Variants in RBFOX1 observed in about 807,000 individuals in gnomAD.
RBFOX1 encodes RNA binding protein fox-1 homolog 1.
RBFOX1 carries 8 observed loss-of-function variants against 57.7 expected under a neutral mutation model. That is an observed-to-expected ratio of 0.14 (90% CI 0.08 to 0.25). The LOEUF (loss-of-function observed/expected upper bound fraction) is 0.25, where lower values mean the gene tolerates loss of function less well. Ranked by LOEUF, RBFOX1 falls within the 10% of genes least tolerant of loss-of-function variation. RBFOX1 has a pLI of 1.00. For synonymous variants in RBFOX1, 326 were observed against 222.4 expected, an observed-to-expected ratio of 1.47 and a Z score of -4.15; for missense variants, 611 against 548.5, an observed-to-expected ratio of 1.11 and a Z score of -1.14.
chr16:7,439,883 G>T (rs1018265762), intron 4 of RBFOX1, among the ~76,000 whole-genome samples: 5 of 150,804 alleles, frequency 3.3e-5, no homozygotes, highest in African/African-American at 9.7e-5. Context: ...ATAGAAAATT[G>T]TTGCTTTGTA....
intron 4 of RBFOX1, among the ~76,000 whole-genome samples, chr16:7,419,542 A>C (rs1029005044): frequency 2.6e-5 from 4 of 152,216 alleles, no homozygotes; most frequent in Non-Finnish European, 5.9e-5. Flanking sequence ...ACATCTGATT[A>C]CCATGGCAAA....
chr16:6,073,203 C>G (rs543060768), intron 1 of RBFOX1, among the ~76,000 whole-genome samples: 170 of 152,244 alleles, frequency 1.1e-3, no homozygotes, highest in African/African-American at 3.8e-3. Flanking sequence ...ATCATCTACT[C>G]CACTGACTTC....
intron 3 of RBFOX1, among the ~76,000 whole-genome samples, chr16:5,611,719 T>TATGC: frequency 8.7e-6 from 1 of 114,692 alleles, no homozygotes; most frequent in South Asian, 3.5e-4. Flanking sequence ...TCCATCCATC[T>TATGC]ATCCATCCAT....
intron 6 of RBFOX1, among the ~76,000 whole-genome samples, 172 bp downstream of exon 6, chr16:7,580,092 G>T (rs2093636261): frequency 6.6e-6 from 1 of 152,158 alleles, no homozygotes; most frequent in Non-Finnish European, 1.5e-5. Context: ...TATGGTTTTA[G>T]CATGTATTTC....
chr16:5,617,499 C>G (rs1047272846), intron 3 of RBFOX1, among the ~76,000 whole-genome samples: 1 of 152,190 alleles, frequency 6.6e-6, no homozygotes, highest in East Asian at 1.9e-4. Flanking sequence ...TGTTCCCCTC[C>G]TTTAAGGGTG....
At chr16:6,428,965 T>C (rs978210595) in intron 2 of RBFOX1, among the ~76,000 whole-genome samples, 1 of 152,224 alleles carries the variant, frequency 6.6e-6, no homozygotes, top group Non-Finnish European at 1.5e-5. Flanking sequence ...GTTGGGTTTA[T>C]GGACCTGCGG....
chr16:6,992,957 C>A (rs1169927890), intron 3 of RBFOX1, among the ~76,000 whole-genome samples: 1 of 152,064 alleles, frequency 6.6e-6, no homozygotes, highest in Non-Finnish European at 1.5e-5. Flanking sequence ...TCCTTCTTCC[C>A]AATTACTTCT....
intron 4 of RBFOX1, among the ~76,000 whole-genome samples, chr16:5,886,613 C>T (rs1031283839): frequency 1.3e-5 from 2 of 152,264 alleles, no homozygotes; most frequent in African/African-American, 2.4e-5. Context: ...TTTGGCTGGG[C>T]GCGGTGGCTC....
intron 3 of RBFOX1, among the ~76,000 whole-genome samples, chr16:6,952,297 G>A (rs75302198): frequency 2.6e-5 from 4 of 152,250 alleles, no homozygotes; most frequent in African/African-American, 7.2e-5. Flanking sequence ...TAAAGCTCTT[G>A]TGTGTGCAAA....
intron 4 of RBFOX1, among the ~76,000 whole-genome samples, chr16:7,282,682 T>C (rs530925137): frequency 4.1e-4 from 63 of 152,302 alleles, no homozygotes; most frequent in African/African-American, 1.5e-3. Flanking sequence ...ACCCATCACC[T>C]GAGCAGTATA....
intron 1 of RBFOX1, among the ~76,000 whole-genome samples, chr16:6,296,679 C>G (rs960753192): frequency 6.6e-6 from 1 of 152,164 alleles, no homozygotes; most frequent in Admixed American, 6.5e-5. Flanking sequence ...CTCGGCCTCC[C>G]AAAGTGCTGG....
intron 4 of RBFOX1, among the ~76,000 whole-genome samples, chr16:7,318,282 A>G (rs965341725): frequency 6.6e-6 from 1 of 151,072 alleles, no homozygotes; most frequent in Non-Finnish European, 1.5e-5. Context: ...AGTGTTGGTG[A>G]TAGTAATGGT....
intron 1 of RBFOX1, among the ~76,000 whole-genome samples, chr16:6,163,396 C>A (rs183627785): frequency 6.6e-6 from 1 of 152,178 alleles, no homozygotes; most frequent in African/African-American, 2.4e-5. Context: ...ACAAAGGAAT[C>A]CTGTTTGAGC....
intron 2 of RBFOX1, among the ~76,000 whole-genome samples, chr16:6,447,362 A>T (rs543005692): frequency 6.6e-6 from 1 of 152,330 alleles, no homozygotes; most frequent in South Asian, 2.1e-4. Flanking sequence ...CAAGACCAAC[A>T]ATTACATACC....
rs142817555 is a variant in RBFOX1 at position 5,504,119 on chromosome 16, C to G, written c.258+36865C>G. 3.5e-3 allele frequency among the ~76,000 whole-genome samples: 538 copies of G among 152,320 alleles called. 4 individuals carry two copies. The highest frequency in any genetic ancestry group is 5.8e-3 in the Non-Finnish European group (392 of 68,024). ...GGGGCGGAGGGAACTTGCCAACCAG[C>G]CTCATTGCTCACAGCACAAGCAGCT... On this transcript the variant is annotated intron_variant, in intron 2 of 2. Transcript: ENST00000585867.
At chr16:5,987,122 T>C (rs951322092) in intron 4 of RBFOX1, among the ~76,000 whole-genome samples, 14 of 152,248 alleles carry the variant, frequency 9.2e-5, no homozygotes, top group African/African-American at 3.4e-4. Flanking sequence ...CCCTGATGGC[T>C]AATGATGTCG....
intron 4 of RBFOX1, among the ~76,000 whole-genome samples, chr16:7,082,689 C>G (rs1042621784): frequency 2.6e-5 from 4 of 152,104 alleles, no homozygotes; most frequent in African/African-American, 7.2e-5. Context: ...TGCAGACTTT[C>G]TTTCATAAAG....
chr16:5,785,459 A>G (rs545350116), intron 3 of RBFOX1, among the ~76,000 whole-genome samples: 4 of 151,538 alleles, frequency 2.6e-5, no homozygotes, highest in Admixed American at 1.3e-4. Context: ...TTTCTGTCCT[A>G]CCTTCTGTAT....
At chr16:6,859,171 A>ATATGTATATATATGTATATATATG (rs2058533692) in intron 3 of RBFOX1, among the ~76,000 whole-genome samples, 2 of 78,652 alleles carry the variant, frequency 2.5e-5, no homozygotes, top group South Asian at 9.9e-4. Context: ...ATACGTATAT[A>ATATGTATATATATGTATATATATG]TATGTATATA....
Sources: allele counts gnomAD v4.1 joint callset (sites outside exome capture counted in the v4.1 genomes callset), GRCh38; gene constraint gnomAD v4.1.1; transcripts MANE v1.5; gene names NCBI Gene and HGNC (gene_info 2026-07-23, HGNC 2026-07-21).